THEMIS: variants seen among roughly 807,000 people sequenced by gnomAD.
THEMIS encodes the protein protein THEMIS.
In THEMIS, 37 loss-of-function variants were observed where a neutral mutation model predicts 52.6. The ratio of observed to expected loss-of-function variants is 0.70; its 90% confidence interval spans 0.54 to 0.93. The LOEUF is 0.93. THEMIS is among the 40% of genes least tolerant of loss of function. THEMIS has a pLI of 0.00. For synonymous variants in THEMIS, 292 were observed against 272.7 expected (o/e 1.07, Z -0.70); for missense variants, 808 against 763.1 (o/e 1.06, Z -0.69).
At chr6:127,730,438 A>G (rs1774748556) in intron 4 of THEMIS, among the ~76,000 whole-genome samples, 1 of 127,704 alleles carries the variant, frequency 7.8e-6, no homozygotes, top group Non-Finnish European at 1.6e-5. Flanking sequence ...GGAGGCAGGA[A>G]GAGAACAAAC....
At chr6:127,826,012 A>G (rs750770480) in intron 3 of THEMIS, among the ~76,000 whole-genome samples, 1 of 152,182 alleles carries the variant, frequency 6.6e-6, no homozygotes, top group Non-Finnish European at 1.5e-5. Flanking sequence ...CTTATAATAT[A>G]CTGAGAATAT....
At chr6:127,733,137 T>G (rs550192665) in intron 4 of THEMIS, among the ~76,000 whole-genome samples, 1 of 152,370 alleles carries the variant, frequency 6.6e-6, no homozygotes, top group Admixed American at 6.5e-5. Flanking sequence ...TATTGTGAAA[T>G]ACCTAATTTG....
chr6:127,917,838 G>A (rs1008247035), intron 1 of THEMIS, among the ~76,000 whole-genome samples: 2 of 152,184 alleles, frequency 1.3e-5, no homozygotes, highest in Admixed American at 6.6e-5. Context: ...TGCTTCCGAG[G>A]AAGCTGTTAC....
chr6:127,828,227 T>C (rs1305057371), intron 3 of THEMIS, among the ~76,000 whole-genome samples: 1 of 152,168 alleles, frequency 6.6e-6, no homozygotes, highest in Non-Finnish European at 1.5e-5. Flanking sequence ...GAGATGCCAA[T>C]AGTTGTAGAA....
At chr6:127,915,114 T>C (rs902963936) in intron 1 of THEMIS, among the ~76,000 whole-genome samples, 4 of 152,152 alleles carry the variant, frequency 2.6e-5, no homozygotes, top group African/African-American at 9.7e-5. Context: ...AAATTTACTT[T>C]TAGAAGAACC....
chr6:127,829,733 C>A lies in THEMIS; in HGVS notation c.452G>T (p.Ser151Ile). 1.2e-6 allele frequency: 2 copies of A among 1,614,118 alleles called. No homozygotes were observed. Among genetic ancestry groups the A allele is most frequent in the Non-Finnish European group, 1.7e-6 (2 of 1,180,012 alleles). Residue 151 changes from serine (S) to isoleucine (I), a missense_variant, in exon 3 of 6, where the codon AGC becomes ATC. By Grantham distance (142) the Ser-to-Ile change is moderately radical (BLOSUM62 -2). Coordinates refer to ENST00000368248, the MANE Select transcript of THEMIS (RefSeq NM_001010923.3). ...VEEIDGEIMVSCAVARNHQTH... is the reference protein window; with the variant it reads ...VEEIDGEIMVICAVARNHQTH... ...TTGATGATTCCTTGCTACTGCACAG[C>A]TCACCATTATTTCTCCATCAATCTC...
At chr6:127,728,456 G>C (rs1774629772) in intron 4 of THEMIS, among the ~76,000 whole-genome samples, 1 of 152,092 alleles carries the variant, frequency 6.6e-6, no homozygotes, top group African/African-American at 2.4e-5. Context: ...AGTTTTGCTG[G>C]AGGCTACATC....
chr6:127,813,460 G>A lies in THEMIS; in HGVS notation c.1181C>T (p.Ser394Leu). Reference sequence around the variant, plus strand: ...CTCACAGAGGACTTCAGTCGTCTCTGACTGATGCACCAGAAACTGGTCCCC... The same window carrying A: ...CTCACAGAGGACTTCAGTCGTCTCTAACTGATGCACCAGAAACTGGTCCCC... ...SVGDQFLVHQ[S>L]ETTEVLCEGI... Residue 394 changes from serine (S) to leucine (L), a missense_variant, in exon 4 of 6, where the codon TCA becomes TTA. By Grantham distance (145) the Ser-to-Leu change is moderately radical. Coordinates refer to ENST00000368248, the MANE Select transcript of THEMIS (RefSeq NM_001010923.3). 1 of 1,613,998 alleles carries A rather than the reference G, an allele frequency of 6.2e-7. No individual in the cohort carries two copies. Among genetic ancestry groups the A allele is most frequent in the Non-Finnish European group, 8.5e-7 (1 of 1,180,004 alleles).
intron 1 of THEMIS, among the ~76,000 whole-genome samples, chr6:127,871,434 C>T (rs910280440): frequency 6.6e-6 from 1 of 151,432 alleles, no homozygotes; most frequent in Non-Finnish European, 1.5e-5. Context: ...TAGAAAAGAG[C>T]AATAGCCTCA....
intron 4 of THEMIS, among the ~76,000 whole-genome samples, chr6:127,774,854 G>A (rs1157085545): frequency 6.6e-6 from 1 of 152,144 alleles, no homozygotes. Context: ...AATAGATTGA[G>A]GCTAGTAGGG....
At chr6:127,793,159 G>A (rs1777214392) in intron 4 of THEMIS, among the ~76,000 whole-genome samples, 1 of 152,188 alleles carries the variant, frequency 6.6e-6, no homozygotes, top group African/African-American at 2.4e-5. Context: ...AGAATCAAAA[G>A]CATTGTGTGA....
At chr6:127,784,957 ATCTATCT>A (rs1562255353) in intron 4 of THEMIS, among the ~76,000 whole-genome samples, 2 of 28,178 alleles carry the variant, frequency 7.1e-5, no homozygotes, top group East Asian at 7.0e-4. Flanking sequence ...CACACTATCT[ATCTATCT>A]ATCTATCTAT....
chr6:127,788,679 A>G (rs1398167583), intron 4 of THEMIS, among the ~76,000 whole-genome samples: 2 of 152,220 alleles, frequency 1.3e-5, no homozygotes, highest in East Asian at 3.8e-4. Context: ...TGATCACATC[A>G]GCAGAGATTA....
Position 127,749,657 on chromosome 6 carries a change from A to G in THEMIS, c.1759-29834T>C, listed in dbSNP as rs112675047. Among the ~76,000 whole-genome samples, 38 of 151,888 alleles carry G rather than the reference A, an allele frequency of 2.5e-4. 1 individual carries two copies. Among genetic ancestry groups the G allele is most frequent in the African/African-American group, 8.7e-4 (36 of 41,476 alleles). On this transcript the variant is annotated intron_variant, in intron 4 of 5. Coordinates refer to ENST00000368248, the MANE Select transcript of THEMIS (RefSeq NM_001010923.3). ...ATTTGTGAAAGGTGGTGAAGACCCC[A>G]ATTAAATAATCTTATTCTATAAGAC...
intron 1 of THEMIS, among the ~76,000 whole-genome samples, chr6:127,870,172 C>G (rs1204793378): frequency 6.6e-6 from 1 of 152,160 alleles, no homozygotes; most frequent in Admixed American, 6.5e-5. Context: ...ACTGAAAAAT[C>G]AGGGACTTGT....
chr6:127,827,260 C>T (rs1778539665), intron 3 of THEMIS, among the ~76,000 whole-genome samples: 1 of 152,158 alleles, frequency 6.6e-6, no homozygotes, highest in African/African-American at 2.4e-5. Context: ...ATGCCTACAA[C>T]AATACAAATA....
At chr6:127,743,601 A>G (rs1049849013) in intron 4 of THEMIS, among the ~76,000 whole-genome samples, 2 of 152,118 alleles carry the variant, frequency 1.3e-5, no homozygotes, top group East Asian at 1.9e-4. Context: ...TTTAGTTGCT[A>G]TGGTATTAGC....
chr6:127,883,614 G>A (rs113831227), intron 1 of THEMIS, among the ~76,000 whole-genome samples: 2,645 of 152,070 alleles, frequency 0.017, 83 homozygotes, highest in African/African-American at 0.06. Flanking sequence ...TTATGATGAT[G>A]TGAAAGTAGT....
intron 4 of THEMIS, among the ~76,000 whole-genome samples, chr6:127,772,778 C>T (rs1333751415): frequency 6.6e-6 from 1 of 152,126 alleles, no homozygotes; most frequent in Non-Finnish European, 1.5e-5. Flanking sequence ...GATGTTTATA[C>T]TCCCAGAAAA....
Sources: gnomAD v4.1 joint callset for allele counts (sites outside exome capture counted in the v4.1 genomes callset) on GRCh38, gnomAD v4.1.1 for gene constraint, MANE v1.5 for transcripts, NCBI Gene and HGNC (gene_info 2026-07-23, HGNC 2026-07-21) for gene names.